CDC42BPB: variants seen among roughly 807,000 people sequenced by gnomAD.
The protein encoded by CDC42BPB is serine/threonine-protein kinase MRCK beta.
A neutral mutation model predicts 214.9 loss-of-function variants in CDC42BPB; 37 were observed. That is an observed-to-expected ratio of 0.17 (90% CI 0.13 to 0.23). The LOEUF is 0.23. Among genes scored for constraint, CDC42BPB ranks in the 10% least tolerant of loss-of-function variants. The pLI, the probability that CDC42BPB is intolerant of heterozygous loss-of-function variation, is 1.00. For missense variants in CDC42BPB, 1,694 were observed against 2,227.0 expected (o/e 0.76, Z 4.82); for synonymous variants, 931 against 884.0 (o/e 1.05, Z -0.94).
intron 24 of CDC42BPB, among the ~76,000 whole-genome samples, chr14:102,951,407 G>C (rs568124193): frequency 6.6e-6 from 1 of 152,348 alleles, no homozygotes; most frequent in Non-Finnish European, 1.5e-5. Context: ...GGCTTGGGGT[G>C]GTTGCTCATC....
intron 6 of CDC42BPB, chr14:102,986,231 G>A (rs559632903): frequency 5.1e-6 from 2 of 390,940 alleles, no homozygotes; most frequent in South Asian, 2.7e-5. Flanking sequence ...TGGGATTGAG[G>A]AAACCTGACA....
rs74082727 is a variant in CDC42BPB, at chr14:102,999,320, A to C, written c.596+245T>G. Among the ~76,000 whole-genome samples, 917 of 152,252 alleles carry C rather than the reference A, an allele frequency of 6.0e-3. 13 individuals carry two copies. The highest frequency in any genetic ancestry group is 0.021 in the African/African-American group (875 of 41,514). ...GAGAAGTTGAGTCAATGTCAAATAA[A>C]TATCAAAAGACACAGTGGCTTCGGC... On this transcript the variant is annotated intron_variant, in intron 5 of 36. Coordinates refer to ENST00000361246, the MANE Select transcript of CDC42BPB (RefSeq NM_006035.4).
At chr14:103,041,344 A>G (rs1887981682) in intron 1 of CDC42BPB, 3 of 479,572 alleles carry the variant, frequency 6.3e-6, no homozygotes, top group Non-Finnish European at 7.4e-6. Flanking sequence ...CACATGTATA[A>G]AAGAAAACAC....
chr14:102,972,264 A>G (rs1332198458), intron 12 of CDC42BPB, 103 bp from the exon 13 acceptor site: 2 of 1,544,782 alleles, frequency 1.3e-6, no homozygotes, highest in African/African-American at 1.4e-5. Flanking sequence ...GCGACAGCCA[A>G]TGCTGGTTAC....
At chr14:103,005,667 C>G (rs1393091587) in intron 3 of CDC42BPB, among the ~76,000 whole-genome samples, 1 of 151,972 alleles carries the variant, frequency 6.6e-6, no homozygotes, top group Non-Finnish European at 1.5e-5. Flanking sequence ...CCAGCCTGTA[C>G]AACAGAGTAA....
In CDC42BPB at chr14:102,949,925, T is replaced by A. The variant is rs764441248; in HGVS notation, c.3310-21A>T. The A allele has an allele frequency of 1.5e-5, 24 of 1,611,554 alleles. 1 individual carries two copies. In the East Asian group the frequency reaches 5.4e-4, roughly 36 times the overall value. ...GGGACCTATGAATAAAAACAAACAG[T>A]GGCCACGTTCCACCAGGCCAGGCAG... On this transcript the variant is annotated intron_variant, in intron 25 of 36. Transcript: ENST00000361246.
At chr14:102,999,953 T>C (rs1894905018) in intron 4 of CDC42BPB, 1 of 969,864 alleles carries the variant, frequency 1.0e-6, no homozygotes, top group Admixed American at 6.2e-5. Flanking sequence ...ATGTATTTAA[T>C]CAATGGGAGG....
rs34154790 is a variant in CDC42BPB at position 102,937,335 on chromosome 14, A to G, written c.5004+769T>C. Reference sequence around the variant, plus strand: ...AAAGGGTGGAACAGTAGGATGGACAAAGGATGGAGAAGACAAAGGACTTCC... The same window carrying G: ...AAAGGGTGGAACAGTAGGATGGACAGAGGATGGAGAAGACAAAGGACTTCC... On this transcript the variant is annotated intron_variant, in intron 36 of 36. Transcript: ENST00000361246. 4.2e-3 allele frequency among the ~76,000 whole-genome samples: 645 copies of G among 152,350 alleles called. 2 individuals carry two copies. Among genetic ancestry groups the G allele is most frequent in the Non-Finnish European group, 7.3e-3 (500 of 68,028 alleles).
Position 103,057,008 on chromosome 14 carries a change from G to A in CDC42BPB, c.166C>T (p.Leu56Phe). The A allele has an allele frequency of 2.0e-6, 3 of 1,471,086 alleles. No individual in the cohort carries two copies. The highest frequency in any genetic ancestry group is 2.7e-6 in the Non-Finnish European group (3 of 1,112,638). 91.1% of individuals were successfully genotyped at this position (1,471,086 alleles called of 1,614,324 possible). A position where few individuals can be genotyped will look rare whatever the true frequency, so the allele number is the denominator to read the frequency against. ...GCCGGCGCGCACTTACCCCACTCGA[G>A]GAACTCGGCCACGTACTTGTCGCGG... is the stretch of plus-strand genomic sequence containing the variant. ...LRRDKYVAEFLEWAKPFTQLV... is the reference protein window; with the variant it reads ...LRRDKYVAEFFEWAKPFTQLV... Residue 56 changes from leucine to phenylalanine, a missense_variant, in exon 1 of 37, where the codon CTC becomes TTC. This residue lies in a region of CDC42BPB where 83 missense variants were observed against 79.9 expected (regional missense o/e 1.04). Transcript: ENST00000361246.
chr14:102,941,597 A>G (rs1313779928), intron 30 of CDC42BPB: 1 of 977,450 alleles, frequency 1.0e-6, no homozygotes, highest in Non-Finnish European at 1.2e-6. Flanking sequence ...CCTGCCGAGT[A>G]TGTGGGGATT....
intron 5 of CDC42BPB, 31 bp from the exon 6 acceptor site, chr14:102,986,611 A>G (rs1894256785): frequency 1.2e-6 from 2 of 1,606,858 alleles, no homozygotes; most frequent in Non-Finnish European, 1.7e-6. Flanking sequence ...CAAATTAACC[A>G]TCTCCATGCA....
chr14:102,935,626 C>G (rs1034055847), intron 36 of CDC42BPB, among the ~76,000 whole-genome samples: 3 of 152,048 alleles, frequency 2.0e-5, no homozygotes, highest in Admixed American at 6.6e-5. Flanking sequence ...CCCGCCTCTA[C>G]TAAAAATACA....
At chr14:102,941,217 G>A (rs1891874874) in intron 30 of CDC42BPB, 1 of 985,344 alleles carries the variant, frequency 1.0e-6, no homozygotes, top group Middle Eastern at 5.2e-4. Context: ...AGAGCTGGGA[G>A]GCGGCAAGCC....
chr14:103,056,014 G>A, intron 1 of CDC42BPB, among the ~76,000 whole-genome samples: 1 of 152,184 alleles, frequency 6.6e-6, no homozygotes, highest in East Asian at 1.9e-4. Flanking sequence ...GTCTTGACCG[G>A]CACACCCGTT....
chr14:103,017,947 G>A (rs778579330), intron 1 of CDC42BPB, among the ~76,000 whole-genome samples: 7 of 152,244 alleles, frequency 4.6e-5, no homozygotes, highest in Non-Finnish European at 1.0e-4. Flanking sequence ...TGCTAAAGCA[G>A]TGGTCCCAAC....
Position 103,018,755 on chromosome 14 carries a change from C to T in CDC42BPB, c.176-6567G>A, listed in dbSNP as rs1158537379. Among the ~76,000 whole-genome samples, 4 of 152,096 alleles carry T rather than the reference C, an allele frequency of 2.6e-5. No homozygotes were observed. The East Asian group carries it at 7.7e-4, about 29-fold the overall frequency. On this transcript the variant is annotated intron_variant, in intron 1 of 36. Coordinates refer to ENST00000361246, the MANE Select transcript of CDC42BPB (RefSeq NM_006035.4). Reference sequence around the variant, plus strand: ...CTACAGTCTGAAATCGTGAAGAGACCATCTCAAAAAATTGATTTTTCTTAC... The same window carrying T: ...CTACAGTCTGAAATCGTGAAGAGACTATCTCAAAAAATTGATTTTTCTTAC...
intron 1 of CDC42BPB, among the ~76,000 whole-genome samples, chr14:103,050,843 CT>C (rs1888565014): frequency 6.6e-6 from 1 of 152,112 alleles, no homozygotes; most frequent in South Asian, 2.1e-4. Context: ...TAAATTAACA[CT>C]GGGAATCACC....
chr14:102,949,536 C>T lies in CDC42BPB; in HGVS notation c.3449+229G>A, dbSNP rs926548677. 2.6e-5 allele frequency among the ~76,000 whole-genome samples: 4 copies of T among 152,152 alleles called. No individual in the cohort carries two copies. In the East Asian group the frequency reaches 5.8e-4, roughly 22 times the overall value. The stretch of plus-strand genomic sequence containing the variant: ...ACGCAAACACATGCGAGGCAGGAAG[C>T]GTCTACAGCGCTCCCGTTCCTGCGC... On this transcript the variant is annotated intron_variant, in intron 26 of 36. Transcript: ENST00000361246.
chr14:103,041,752 T>G (rs1888012882), intron 1 of CDC42BPB: 3 of 518,772 alleles, frequency 5.8e-6, no homozygotes, highest in Non-Finnish European at 1.1e-5. Flanking sequence ...CATTAGCATC[T>G]CTGTGGATCC....
Sources: gnomAD v4.1 joint callset for allele counts (sites outside exome capture counted in the v4.1 genomes callset) on GRCh38, gnomAD v4.1.1 for gene constraint, gnomAD v4.1.1 regional missense constraint, MANE v1.5 for transcripts, NCBI Gene and HGNC (gene_info 2026-07-23, HGNC 2026-07-21) for gene names.